Variants in NBPF11 observed in about 807,000 individuals in gnomAD.
NBPF11 encodes NBPF family member NBPF11.
A neutral mutation model predicts 93.9 loss-of-function variants in NBPF11; 72 were observed. The ratio of observed to expected loss-of-function variants is 0.77; its 90% CI spans 0.63 to 0.93. The LOEUF (loss-of-function observed/expected upper bound fraction) is 0.93. Ranked by LOEUF, NBPF11 falls within the 40% of genes least tolerant of loss-of-function variation. The pLI is 0.00. For missense variants in NBPF11, 705 were observed against 802.2 expected, an observed-to-expected ratio of 0.88 and a Z score of 1.46; for synonymous variants, 224 against 304.9, an observed-to-expected ratio of 0.73 and a Z score of 2.76.
Position 148,122,189 on chromosome 1 carries a change from T to C in NBPF11, c.644A>G (p.His215Arg). The C allele has an allele frequency of 6.2e-7, 1 of 1,612,764 alleles. No individual in the cohort carries two copies. Among genetic ancestry groups the C allele is most frequent in the Non-Finnish European group, 8.5e-7 (1 of 1,179,648 alleles). Residue 215 changes from histidine to arginine, a missense_variant, in exon 9 of 24, where the codon CAC becomes CGC. Physicochemically the swap from His to Arg is conservative, Grantham distance 29. Coordinates refer to ENST00000682118, the MANE Select transcript of NBPF11 (RefSeq NM_001385469.3). ...EECAITCSNS[H>R]GPCDSIQPHK... ...AGGCTGGATGGAGTCACAAGGGCCG[T>C]GGCTATTTGAACAAGTGATGGCACA... is the stretch of plus-strand genomic sequence containing the variant.
chr1:148,146,160 C>T (rs1219133567), intron 1 of NBPF11, among the ~76,000 whole-genome samples: 4 of 151,666 alleles, frequency 2.6e-5, no homozygotes, highest in Non-Finnish European at 5.9e-5. Context: ...CCGGGGTGGG[C>T]TTCCCACGGC....
At chr1:148,123,671 T>G (rs1553272158) in intron 7 of NBPF11, among the ~76,000 whole-genome samples, 182 bp downstream of exon 7, 2 of 151,938 alleles carry the variant, frequency 1.3e-5, no homozygotes, top group Non-Finnish European at 2.9e-5. Context: ...TGCAATACTG[T>G]GACCTCCAAA....
chr1:148,149,674 G>C (rs1647789458), intron 1 of NBPF11: 18 of 899,984 alleles, frequency 2.0e-5, no homozygotes, highest in Non-Finnish European at 2.5e-5. Flanking sequence ...CGGCCCAGGG[G>C]ACCCCGCCCC....
At chr1:148,121,998 G>A (rs1334277244) in intron 9 of NBPF11, 57 bp downstream of exon 9, 3 of 1,009,762 alleles carry the variant, frequency 3.0e-6, no homozygotes, top group Non-Finnish European at 4.8e-6. Flanking sequence ...CCTGTCCTCA[G>A]AATTGATCTT....
At chr1:148,138,343 C>G (rs1671669826) in intron 2 of NBPF11, among the ~76,000 whole-genome samples, 2 of 151,016 alleles carry the variant, frequency 1.3e-5, no homozygotes, top group South Asian at 4.2e-4. Flanking sequence ...TGCAAAGAGG[C>G]CTTCCTTCCT....
intron 4 of NBPF11, among the ~76,000 whole-genome samples, chr1:148,129,115 AC>A (rs1669770059): frequency 6.9e-6 from 1 of 145,474 alleles, no homozygotes; most frequent in Non-Finnish European, 1.5e-5. Context: ...ATATATATAC[AC>A]GTGTATATGT....
At chr1:148,120,366 T>C in intron 10 of NBPF11, 135 bp downstream of exon 10, 1 of 683,310 alleles carries the variant, frequency 1.5e-6, no homozygotes, top group Non-Finnish European at 2.7e-6. Context: ...TAACAAAATG[T>C]TAAAATACCC....
chr1:148,137,286 A>C (rs1671460828), intron 3 of NBPF11, among the ~76,000 whole-genome samples: 2 of 151,620 alleles, frequency 1.3e-5, no homozygotes, highest in African/African-American at 4.9e-5. Flanking sequence ...TTGAAAGATG[A>C]AACAGACAGG....
At position 148,124,710 on chromosome 1, in the gene NBPF11, A is replaced by C. The variant is rs879993530; in HGVS notation, c.278+189T>G. On this transcript the variant is annotated intron_variant, in intron 6 of 23. Transcript: ENST00000682118. The stretch of plus-strand genomic sequence containing the variant: ...TTGAAAAAGAGAAAACAAGGCTCTA[A>C]GAAACAACTGCAACACAGAACTTAT... Among the ~76,000 whole-genome samples the C allele has an allele frequency of 2.1e-3, 317 of 152,210 alleles. 2 individuals are homozygous for C. Among genetic ancestry groups the C allele is most frequent in the Admixed American group, 0.016 (246 of 15,304 alleles).
chr1:148,106,370 G>C lies in NBPF11; in HGVS notation c.2252-138C>G, dbSNP rs1469523476. 5 of 698,406 alleles carry C rather than the reference G, an allele frequency of 7.2e-6. No individual in the cohort carries two copies. The African/African-American group carries it at 7.2e-5, about 10-fold the overall frequency. 43.3% of individuals were successfully genotyped at this position (698,406 alleles called of 1,614,324 possible). On this transcript the variant is annotated intron_variant, in intron 20 of 23. Transcript: ENST00000682118. Reference sequence around the variant, plus strand: ...ACAATGTGAGGGATATACTTCAGGAGGCCTGAAAGCTGGTCATGATATTCT... The same window carrying C: ...ACAATGTGAGGGATATACTTCAGGACGCCTGAAAGCTGGTCATGATATTCT...
At chr1:148,132,423 G>A (rs1670558889) in intron 4 of NBPF11, among the ~76,000 whole-genome samples, 1 of 148,846 alleles carries the variant, frequency 6.7e-6, no homozygotes, top group Non-Finnish European at 1.5e-5. Context: ...GAAATAGGTA[G>A]TGAATTCATT....
intron 1 of NBPF11, chr1:148,149,589 C>G: frequency 6.3e-7 from 1 of 1,592,018 alleles, no homozygotes; most frequent in Non-Finnish European, 8.5e-7. Context: ...CCAGCCGGAC[C>G]TCAGCAATAA....
At chr1:148,129,322 A>ATTATATGTTTT (rs1669883605) in intron 4 of NBPF11, among the ~76,000 whole-genome samples, 3 of 145,402 alleles carry the variant, frequency 2.1e-5, no homozygotes, top group African/African-American at 7.7e-5. Context: ...TTATATATAT[A>ATTATATGTTTT]TTTTTTCTTT....
intron 9 of NBPF11, 87 bp from the exon 10 acceptor site, chr1:148,120,797 G>C (rs1478690201): frequency 0.017 from 16,300 of 981,046 alleles, 323 homozygotes; most frequent in Non-Finnish European, 0.024. Flanking sequence ...GTCACTGGTA[G>C]CCTTGTTTAC....
At chr1:148,142,071 A>AGGCAGGGAGGGAGGGAGGGAG (rs1672279658) in intron 2 of NBPF11, among the ~76,000 whole-genome samples, 1 of 145,382 alleles carries the variant, frequency 6.9e-6, no homozygotes, top group Non-Finnish European at 1.5e-5. Context: ...GAAGGGAGGA[A>AGGCAGGGAGGGAGGGAGGGAG]GAAAGGAAGG....
intron 6 of NBPF11, among the ~76,000 whole-genome samples, 188 bp from the exon 7 acceptor site, chr1:148,124,255 G>T (rs1487572051): frequency 1.6e-3 from 249 of 152,028 alleles, no homozygotes; most frequent in African/African-American, 5.8e-3. Context: ...CCCTCTATCA[G>T]AGAGGGCTCC....
rs1647571393 is a variant in NBPF11, at chr1:148,149,183, A to G, written c.-549+2567T>C. On this transcript the variant is annotated intron_variant, in intron 1 of 23. Transcript: ENST00000682118. ...CAGGTACGGCATCAGCCCGGACAGC[A>G]TCATCCTGTACGGGCAGAGCATCGG... 17 of 1,587,742 alleles carry G rather than the reference A, an allele frequency of 1.1e-5. No homozygotes were observed. The South Asian group carries it at 1.4e-4, about 13-fold the overall frequency.
intron 11 of NBPF11, 108 bp downstream of exon 11, chr1:148,118,512 C>T (rs1436840734): frequency 7.1e-5 from 63 of 892,166 alleles, no homozygotes; most frequent in African/African-American, 2.0e-4. Context: ...CATGGCAATT[C>T]CTGCCCTTCC....
chr1:148,148,994 G>T (rs1300359973), intron 1 of NBPF11, among the ~76,000 whole-genome samples: 1 of 151,256 alleles, frequency 6.6e-6, no homozygotes, highest in Admixed American at 6.6e-5. Context: ...GGTGTTGGGG[G>T]CTGGGGGTGG....
Sources: allele counts gnomAD v4.1 joint callset (sites outside exome capture counted in the v4.1 genomes callset), GRCh38; gene constraint gnomAD v4.1.1; transcripts MANE v1.5; gene names NCBI Gene and HGNC (gene_info 2026-07-23, HGNC 2026-07-21).